Variants in DLC1 observed in about 807,000 individuals in gnomAD.
DLC1 encodes rho GTPase-activating protein 7.
Under a neutral mutation model 140.3 loss-of-function variants are expected in DLC1, and 54 were observed. That is an observed-to-expected ratio of 0.38 (90% CI 0.31 to 0.48). The LOEUF (loss-of-function observed/expected upper bound fraction) is 0.48, where lower values mean the gene tolerates loss of function less well. DLC1 is among the 20% of genes least tolerant of loss of function. The pLI is 0.96. For synonymous variants in DLC1, 986 were observed against 728.1 expected (o/e 1.35, Z -5.70); for missense variants, 2,536 against 1,907.0 (o/e 1.33, Z -6.14).
chr8:13,292,642 A>C (rs1478205269), intron 5 of DLC1, among the ~76,000 whole-genome samples: 1 of 152,140 alleles, frequency 6.6e-6, no homozygotes, highest in Non-Finnish European at 1.5e-5. Flanking sequence ...TTAAAAAAAA[A>C]CACAGACATG....
intron 5 of DLC1, among the ~76,000 whole-genome samples, chr8:13,252,809 C>T (rs1322445732): frequency 1.3e-5 from 2 of 152,122 alleles, no homozygotes; most frequent in Non-Finnish European, 1.5e-5. Context: ...AGGTCTCTGA[C>T]CAAATAGTAA....
intron 1 of DLC1, among the ~76,000 whole-genome samples, chr8:13,521,885 T>C (rs1001815609): frequency 3.9e-5 from 6 of 152,186 alleles, no homozygotes; most frequent in Admixed American, 6.5e-5. Flanking sequence ...ATATTAACTG[T>C]GTATTACTAT....
intron 5 of DLC1, among the ~76,000 whole-genome samples, chr8:13,161,915 C>T (rs2128984866): frequency 6.6e-6 from 1 of 152,282 alleles, no homozygotes; most frequent in Middle Eastern, 3.4e-3. Flanking sequence ...CAGATATGTA[C>T]ACATTTTATG....
chr8:13,306,572 G>A (rs1307234900), intron 4 of DLC1, among the ~76,000 whole-genome samples: 1 of 149,810 alleles, frequency 6.7e-6, no homozygotes, highest in Non-Finnish European at 1.5e-5. Flanking sequence ...GTGTGTGTGT[G>A]TGTGTGTGTG....
At chr8:13,143,701 C>T (rs923213624) in intron 5 of DLC1, among the ~76,000 whole-genome samples, 1 of 151,826 alleles carries the variant, frequency 6.6e-6, no homozygotes, top group Non-Finnish European at 1.5e-5. Context: ...CCTGAGCCAC[C>T]ACACCCAGCA....
chr8:13,584,398 A>G (rs1328321395), intron 1 of DLC1: 1 of 152,910 alleles, frequency 6.5e-6, no homozygotes, highest in Non-Finnish European at 1.5e-5. Flanking sequence ...GGAAGCCCAG[A>G]TTGGTGCAGC....
At chr8:13,258,549 C>T (rs1830348041) in intron 5 of DLC1, among the ~76,000 whole-genome samples, 1 of 152,166 alleles carries the variant, frequency 6.6e-6, no homozygotes, top group Non-Finnish European at 1.5e-5. Flanking sequence ...CTCACATCCA[C>T]ATTTAAGTTC....
chr8:13,131,539 A>G (rs1822081502), intron 5 of DLC1, among the ~76,000 whole-genome samples: 1 of 152,054 alleles, frequency 6.6e-6, no homozygotes, highest in Non-Finnish European at 1.5e-5. Flanking sequence ...CTCACTCAAA[A>G]CAAGACTGGG....
chr8:13,298,666 C>T (rs1165992850), intron 5 of DLC1, among the ~76,000 whole-genome samples: 1 of 152,050 alleles, frequency 6.6e-6, no homozygotes, highest in African/African-American at 2.4e-5. Context: ...ATTAGTTCTG[C>T]CTGGGAAATA....
At chr8:13,107,949 G>A (rs994607716) in intron 7 of DLC1, among the ~76,000 whole-genome samples, 3 of 152,140 alleles carry the variant, frequency 2.0e-5, no homozygotes, top group African/African-American at 7.2e-5. Flanking sequence ...AGGGGGCTGA[G>A]GCAGAGAATT....
chr8:13,142,548 A>G (rs1823080969), intron 5 of DLC1, among the ~76,000 whole-genome samples: 1 of 152,224 alleles, frequency 6.6e-6, no homozygotes, highest in Non-Finnish European at 1.5e-5. Flanking sequence ...CTTAGGCTAC[A>G]TCATAACACT....
At chr8:13,503,164 G>T (rs1801897836) in intron 1 of DLC1, among the ~76,000 whole-genome samples, 1 of 152,148 alleles carries the variant, frequency 6.6e-6, no homozygotes, top group Admixed American at 6.5e-5. Context: ...CAGCACTTTG[G>T]GAGGCTGAGG....
chr8:13,187,934 A>T (rs1236838267), intron 5 of DLC1, among the ~76,000 whole-genome samples: 2 of 151,424 alleles, frequency 1.3e-5, no homozygotes, highest in African/African-American at 2.4e-5. Flanking sequence ...ATATAAGGTA[A>T]TTTTTTTTTC....
At chr8:13,515,672 G>C (rs1802564297), upstream of DLC1, 1 of 152,134 alleles carries the variant, frequency 6.6e-6, no homozygotes, top group Non-Finnish European at 1.5e-5. Context: ...TATCTTTTCT[G>C]CTTTCTTGTG....
chr8:13,294,162 T>C (rs1190983584), intron 5 of DLC1, among the ~76,000 whole-genome samples: 3 of 152,180 alleles, frequency 2.0e-5, no homozygotes, highest in African/African-American at 7.2e-5. Flanking sequence ...ACTGTTTCCA[T>C]AGTTTGGCTT....
chr8:13,589,092 G>A (rs1442646185), intron 1 of DLC1, among the ~76,000 whole-genome samples: 1 of 152,008 alleles, frequency 6.6e-6, no homozygotes, highest in Non-Finnish European at 1.5e-5. Context: ...ACCAAAGCCA[G>A]TTCTTGCCAA....
At chr8:13,454,128 C>G (rs148775033) in intron 2 of DLC1, among the ~76,000 whole-genome samples, 1 of 151,998 alleles carries the variant, frequency 6.6e-6, no homozygotes, top group African/African-American at 2.4e-5. Flanking sequence ...TTTTGGACTA[C>G]GTGCAATTTG....
At position 13,389,652 on chromosome 8, in the gene DLC1, T is replaced by C. The variant is rs1005124542; in HGVS notation, c.1314+3901A>G. On this transcript the variant is annotated intron_variant, in intron 4 of 17. Coordinates refer to ENST00000276297, the MANE Select transcript of DLC1 (RefSeq NM_182643.3). ...CACATAGAATTAATGAAAAATCTGATGATGACTCATCGGTCCTATTCTAAG... is the reference window on the plus strand; with the variant it reads ...CACATAGAATTAATGAAAAATCTGACGATGACTCATCGGTCCTATTCTAAG... Among the ~76,000 whole-genome samples the C allele has an allele frequency of 3.9e-5, 6 of 152,194 alleles. No individual in the cohort carries two copies. The South Asian group carries it at 1.0e-3, about 26-fold the overall frequency.
intron 5 of DLC1, among the ~76,000 whole-genome samples, chr8:13,194,137 A>T (rs116519790): frequency 0.011 from 1,725 of 152,334 alleles, 44 homozygotes; most frequent in African/African-American, 0.039. Flanking sequence ...TTAATCTTCT[A>T]GGAAGAAAAC....
Sources: allele counts gnomAD v4.1 joint callset (sites outside exome capture counted in the v4.1 genomes callset), GRCh38; gene constraint gnomAD v4.1.1; transcripts MANE v1.5; gene names NCBI Gene and HGNC (gene_info 2026-07-23, HGNC 2026-07-21).